Variants in CTXN2 observed in about 807,000 individuals in gnomAD.
The protein encoded by CTXN2 is cortexin-2.
CTXN2 carries 3 observed loss-of-function variants against 5.7 expected under a neutral mutation model. The observed-to-expected ratio is 0.53, with a 90% CI of 0.24 to 1.36. CTXN2 has a LOEUF of 1.36. Ranked by LOEUF, CTXN2 falls within the 40% of genes most tolerant of loss-of-function variation. The probability of loss-of-function intolerance (pLI) is 0.17; values close to 1 mark genes in which losing one functional copy is unlikely to be tolerated. For synonymous variants in CTXN2, 38 were observed against 36.4 expected (o/e 1.04, Z -0.16); for missense variants, 87 against 93.0 (o/e 0.94, Z 0.26).
chr15:48,193,777 T>C (rs1457460006), intron 1 of CTXN2, among the ~76,000 whole-genome samples: 1 of 152,178 alleles, frequency 6.6e-6, no homozygotes, highest in East Asian at 1.9e-4. Context: ...TATCATATTA[T>C]GCTCTATATC....
intron 1 of CTXN2, among the ~76,000 whole-genome samples, chr15:48,182,411 A>T (rs1292672266): frequency 3.3e-5 from 5 of 152,200 alleles, no homozygotes; most frequent in African/African-American, 9.6e-5. Context: ...AACTAAACAG[A>T]ATCCAAAAAT....
At chr15:48,198,855 G>T (rs2140987974) in intron 1 of CTXN2, among the ~76,000 whole-genome samples, 1 of 152,258 alleles carries the variant, frequency 6.6e-6, no homozygotes, top group African/African-American at 2.4e-5. Context: ...ACTATAATCA[G>T]TTTAGGCTAC....
intron 1 of CTXN2, among the ~76,000 whole-genome samples, chr15:48,200,484 AG>A (rs1363119178): frequency 1.3e-5 from 2 of 152,102 alleles, no homozygotes; most frequent in African/African-American, 4.8e-5. Flanking sequence ...CTTGTCTTGA[AG>A]TTGAATTTGC....
intron 1 of CTXN2, among the ~76,000 whole-genome samples, chr15:48,193,166 T>C (rs918265171): frequency 2.6e-5 from 4 of 152,170 alleles, no homozygotes; most frequent in African/African-American, 9.6e-5. Flanking sequence ...CCCAATCTTA[T>C]GACTCATCAG....
At chr15:48,184,778 A>G (rs1344734033) in intron 1 of CTXN2, among the ~76,000 whole-genome samples, 2 of 152,166 alleles carry the variant, frequency 1.3e-5, no homozygotes, top group African/African-American at 2.4e-5. Context: ...ATAGAATCCA[A>G]CAATCACGCT....
At chr15:48,180,800 G>A (rs2040695852) in intron 1 of CTXN2, among the ~76,000 whole-genome samples, 1 of 152,248 alleles carries the variant, frequency 6.6e-6, no homozygotes, top group African/African-American at 2.4e-5. Context: ...GTGAGCCAGA[G>A]CGCCCGGCCT....
intron 1 of CTXN2, among the ~76,000 whole-genome samples, chr15:48,195,866 C>CT (rs1211343994): frequency 6.6e-6 from 1 of 151,988 alleles, no homozygotes; most frequent in Non-Finnish European, 1.5e-5. Flanking sequence ...CTTCCTCTTC[C>CT]TTTTTTATTG....
At position 48,201,003 on chromosome 15, in the gene CTXN2, C is replaced by A. The variant is rs944282803; in HGVS notation, c.-57-241C>A. Among the ~76,000 whole-genome samples the A allele has an allele frequency of 3.3e-5, 5 of 152,264 alleles. No homozygotes were observed. The South Asian group carries it at 1.0e-3, about 32-fold the overall frequency. On this transcript the variant is annotated intron_variant, in intron 1 of 1. Coordinates refer to ENST00000417307, the MANE Select transcript of CTXN2 (RefSeq NM_001145668.2). ...GATAATTTGAATATTCACCTTCATA[C>A]TTGATTTATTTAGAGTATGTGGGCA...
chr15:48,191,664 T>A (rs757472600), upstream of CTXN2: 6 of 452,506 alleles, frequency 1.3e-5, no homozygotes, highest in Non-Finnish European at 2.7e-5. Context: ...CCACGTCCTC[T>A]GTCTCACCAA....
At chr15:48,195,217 A>T (rs1276426112) in intron 1 of CTXN2, among the ~76,000 whole-genome samples, 1 of 152,126 alleles carries the variant, frequency 6.6e-6, no homozygotes, top group African/African-American at 2.4e-5. Context: ...AATAGTGTAG[A>T]GTCATCTTTG....
chr15:48,179,577 G>C (rs2040674342), intron 1 of CTXN2, among the ~76,000 whole-genome samples: 1 of 152,148 alleles, frequency 6.6e-6, no homozygotes, highest in Non-Finnish European at 1.5e-5. Flanking sequence ...CAAAATCTGG[G>C]TTAGAACCCC....
chr15:48,183,862 A>G (rs182007915), intron 1 of CTXN2, among the ~76,000 whole-genome samples: 59 of 152,346 alleles, frequency 3.9e-4, no homozygotes, highest in Middle Eastern at 6.8e-3. Flanking sequence ...ATAAGTGTCC[A>G]TGTACTTCAA....
chr15:48,203,683 A>G lies in CTXN2; in HGVS notation c.*2137A>G. 6.0e-6 allele frequency: 1 copy of G among 167,030 alleles called. No individual in the cohort carries two copies. Among genetic ancestry groups the G allele is most frequent in the East Asian group, 1.9e-4 (1 of 5,190 alleles). The allele number at this position is 167,030 out of a possible 1,614,324, so 10.3% of individuals were successfully genotyped here. A position where few individuals can be genotyped will look rare whatever the true frequency, so the allele number is the denominator to read the frequency against. On this transcript the variant is annotated 3_prime_UTR_variant, in exon 2 of 2. Coordinates refer to ENST00000417307, the MANE Select transcript of CTXN2 (RefSeq NM_001145668.2). ...CATTGTTTCTGGAAGTTCAACTCCC[A>G]TAAGCTTTTCAAGTATATTAACTCT... is the stretch of plus-strand genomic sequence containing the variant.
chr15:48,179,645 T>G (rs1042440850), intron 1 of CTXN2, among the ~76,000 whole-genome samples: 3 of 152,128 alleles, frequency 2.0e-5, no homozygotes, highest in African/African-American at 7.2e-5. Context: ...TCTCAATCTC[T>G]CTACAATAAA....
chr15:48,186,587 C>T (rs2040757861), intron 1 of CTXN2, among the ~76,000 whole-genome samples: 1 of 152,046 alleles, frequency 6.6e-6, no homozygotes, highest in Admixed American at 6.5e-5. Context: ...AAATAGAAAA[C>T]TAATGGGGTG....
In CTXN2 at chr15:48,185,359, T is replaced by C. The variant is rs548339695; in HGVS notation, c.-454-6098T>C. Among the ~76,000 whole-genome samples, 12 of 152,268 alleles carry C rather than the reference T, an allele frequency of 7.9e-5. No individual in the cohort carries two copies. The South Asian group carries it at 2.3e-3, about 29-fold the overall frequency. On this transcript the variant is annotated intron_variant, in intron 1 of 2. Transcript: ENST00000644354. ...GTACCACACTAATGTAAGATGTTAATAACAAGTGAAACTGTGAGAAAAGGG... is the reference window on the plus strand; with the variant it reads ...GTACCACACTAATGTAAGATGTTAACAACAAGTGAAACTGTGAGAAAAGGG...
rs184038452 is a variant in CTXN2, at chr15:48,196,441, G to A, written c.-58+4588G>A. Among the ~76,000 whole-genome samples the A allele has an allele frequency of 9.9e-5, 15 of 152,150 alleles. No individual in the cohort carries two copies. The East Asian group carries it at 1.9e-3, about 20-fold the overall frequency. On this transcript the variant is annotated intron_variant, in intron 1 of 1. Transcript: ENST00000417307. Reference sequence around the variant, plus strand: ...CTGTTCAAAAACACTGAAAACATGCGTAGATTAAAGTGAAACCTTTGTAAT... The same window carrying A: ...CTGTTCAAAAACACTGAAAACATGCATAGATTAAAGTGAAACCTTTGTAAT...
chr15:48,184,269 C>T (rs1395941038), intron 1 of CTXN2, among the ~76,000 whole-genome samples: 1 of 152,162 alleles, frequency 6.6e-6, no homozygotes, highest in Non-Finnish European at 1.5e-5. Flanking sequence ...TTTAGCTTTG[C>T]TTAATATATG....
chr15:48,201,724 T>A lies in CTXN2; in HGVS notation c.*178T>A, dbSNP rs1229791633. On this transcript the variant is annotated 3_prime_UTR_variant, in exon 2 of 2. Coordinates refer to ENST00000417307, the MANE Select transcript of CTXN2 (RefSeq NM_001145668.2). ...TAAACTATTGTTGGGATTCCTCACT[T>A]TCCTCTGTTCCCACTTAGAGGTTTC... 1.5e-6 allele frequency: 1 copy of A among 663,682 alleles called. No homozygotes were observed. The highest frequency in any genetic ancestry group is 3.0e-5 in the Admixed American group (1 of 33,702). 41.1% of individuals were successfully genotyped at this position (663,682 alleles called of 1,614,324 possible). A position where few individuals can be genotyped will look rare whatever the true frequency, so the allele number is the denominator to read the frequency against.
Sources: allele counts gnomAD v4.1 joint callset (sites outside exome capture counted in the v4.1 genomes callset), GRCh38; gene constraint gnomAD v4.1.1; transcripts MANE v1.5; gene names NCBI Gene and HGNC (gene_info 2026-07-23, HGNC 2026-07-21).